Variants in DHX9 observed in about 807,000 individuals in gnomAD.
DHX9 encodes ATP-dependent RNA helicase A.
A neutral mutation model predicts 148.7 loss-of-function variants in DHX9; 27 were observed. The observed-to-expected ratio is 0.18, with a 90% CI of 0.13 to 0.25. The LOEUF is 0.25. Among genes scored for constraint, DHX9 ranks in the 10% least tolerant of loss-of-function variants. The probability of loss-of-function intolerance (pLI) is 1.00; values close to 1 mark genes in which losing one functional copy is unlikely to be tolerated. For synonymous variants in DHX9, 529 were observed against 516.6 expected (o/e 1.02, Z -0.33); for missense variants, 796 against 1,559.6 (o/e 0.51, Z 8.25).
At position 182,839,377 on chromosome 1, in the gene DHX9, C is replaced by G. The variant is rs1407116975; in HGVS notation, c.-102C>G. The G allele has an allele frequency of 1.3e-5, 2 of 152,386 alleles. No homozygotes were observed. Among genetic ancestry groups the G allele is most frequent in the Admixed American group, 6.5e-5 (1 of 15,288 alleles). 9.4% of individuals were successfully genotyped at this position (152,386 alleles called of 1,614,324 possible). ...TTCGCCGATTCCTCCATGCGAGTTG[C>G]TGTGCGTTTCTCTGTTGTCTCGGTA... On this transcript the variant is annotated 5_prime_UTR_variant, in exon 1 of 28. Coordinates refer to ENST00000367549, the MANE Select transcript of DHX9 (RefSeq NM_001357.5).
chr1:182,868,166 A>T (rs1648384379), intron 14 of DHX9, among the ~76,000 whole-genome samples: 1 of 152,188 alleles, frequency 6.6e-6, no homozygotes, highest in African/African-American at 2.4e-5. Context: ...ATCATAAGTC[A>T]TAAAATTGAA....
chr1:182,840,363 G>A (rs1173831910), intron 1 of DHX9, among the ~76,000 whole-genome samples: 1 of 147,488 alleles, frequency 6.8e-6, no homozygotes, highest in Non-Finnish European at 1.5e-5. Context: ...GCAGTGGCGC[G>A]ATGGCGGCTC....
intron 14 of DHX9, among the ~76,000 whole-genome samples, 190 bp downstream of exon 14, chr1:182,867,233 CAGAAA>C (rs1241454626): frequency 6.6e-6 from 1 of 151,958 alleles, no homozygotes; most frequent in Non-Finnish European, 1.5e-5. Context: ...TTAAACTTTA[CAGAAA>C]GCCTTTTGGA....
intron 14 of DHX9, 68 bp from the exon 15 acceptor site, chr1:182,872,267 ACT>A (rs1648581567): frequency 6.0e-6 from 8 of 1,332,868 alleles, no homozygotes; most frequent in South Asian, 2.8e-5. Context: ...TGGCTGTATA[ACT>A]CTTTTAGGCA....
At chr1:182,884,212 T>G (rs1177435950) in intron 26 of DHX9, among the ~76,000 whole-genome samples, 1 of 151,988 alleles carries the variant, frequency 6.6e-6, no homozygotes, top group African/African-American at 2.4e-5. Context: ...AGTTGGAGGT[T>G]GCAATGAGCT....
At chr1:182,881,101 T>C (rs1047586445) in intron 22 of DHX9, among the ~76,000 whole-genome samples, 163 bp from the exon 23 acceptor site, 1 of 152,236 alleles carries the variant, frequency 6.6e-6, no homozygotes. Context: ...TCTTTCTGAT[T>C]CTGAAGAGAG....
At chr1:182,851,737 A>G (rs1413928883) in intron 3 of DHX9, among the ~76,000 whole-genome samples, 1 of 152,226 alleles carries the variant, frequency 6.6e-6, no homozygotes, top group Non-Finnish European at 1.5e-5. Flanking sequence ...CCCTGTAATT[A>G]AACTTTCTTA....
intron 15 of DHX9, among the ~76,000 whole-genome samples, chr1:182,873,146 A>G (rs1323053451): frequency 2.0e-5 from 3 of 152,020 alleles, no homozygotes; most frequent in East Asian, 1.9e-4. Flanking sequence ...TGTAGAGACA[A>G]GGTCTCACCC....
intron 3 of DHX9, among the ~76,000 whole-genome samples, chr1:182,848,567 T>A (rs566055518): frequency 3.9e-5 from 6 of 152,282 alleles, no homozygotes; most frequent in African/African-American, 1.4e-4. Flanking sequence ...TAGCAGATAC[T>A]TAAATGTTTT....
rs760766810 is a variant in DHX9, at chr1:182,852,351, G to A, written c.364+7G>A. On this transcript the variant is annotated splice_region_variant and intron_variant, in intron 4 of 27. Coordinates refer to ENST00000367549, the MANE Select transcript of DHX9 (RefSeq NM_001357.5). ...CATCTGGCTCTCAAAGCAGGTAAGG[G>A]ACTTGAATCCATGCACGTGGTGGAG... The A allele has an allele frequency of 1.8e-5, 29 of 1,584,280 alleles. No homozygotes were observed. The highest frequency in any genetic ancestry group is 1.7e-4 in the Middle Eastern group (1 of 5,988).
At chr1:182,858,976 A>G (rs1174195886) in intron 10 of DHX9, 64 bp from the exon 11 acceptor site, 3 of 1,610,808 alleles carry the variant, frequency 1.9e-6, no homozygotes, top group Non-Finnish European at 2.5e-6. Context: ...TAGGTAAAAA[A>G]TGGATTTATT....
intron 18 of DHX9, 89 bp downstream of exon 18, chr1:182,876,630 TG>T: frequency 8.1e-7 from 1 of 1,235,294 alleles, no homozygotes. Flanking sequence ...CCCAAAAAAT[TG>T]TAACCCATCT....
At chr1:182,869,288 G>T (rs545392335) in intron 14 of DHX9, among the ~76,000 whole-genome samples, 1 of 152,222 alleles carries the variant, frequency 6.6e-6, no homozygotes, top group East Asian at 1.9e-4. Context: ...GGTCTTATCC[G>T]GTTCGGCCCA....
chr1:182,844,014 TC>T, intron 3 of DHX9, among the ~76,000 whole-genome samples: 1 of 152,200 alleles, frequency 6.6e-6, no homozygotes, highest in Non-Finnish European at 1.5e-5. Flanking sequence ...GCTGGAGTGA[TC>T]TCGGCTCACT....
At position 182,859,067 on chromosome 1, in the gene DHX9, C is replaced by T. The variant is rs752937147; in HGVS notation, c.1090C>T (p.Leu364Phe). ...TACTCCAGAGCAAATAAGCATGGAC[C>T]TCAAGAATGAATTGATGTACCAGTT... ...FATPEQISMD[L>F]KNELMYQLEQ... is the part of the protein sequence containing the mutation. Residue 364 changes from leucine to phenylalanine, a missense_variant, in exon 11 of 28, where the codon CTC becomes TTC. This residue lies in a region of DHX9 where 42 missense variants were observed against 27.1 expected (regional missense o/e 1.55). Transcript: ENST00000367549. The T allele has an allele frequency of 1.2e-5, 20 of 1,614,084 alleles. No individual in the cohort carries two copies. Among genetic ancestry groups the T allele is most frequent in the Non-Finnish European group, 1.6e-5 (19 of 1,180,006 alleles).
chr1:182,843,210 T>A, intron 2 of DHX9, 84 bp from the exon 3 acceptor site: 2 of 1,079,330 alleles, frequency 1.9e-6, no homozygotes, highest in Non-Finnish European at 2.5e-6. Context: ...GTTTGTTGTC[T>A]CTTAATGGAC....
chr1:182,846,956 T>A (rs921242259), intron 3 of DHX9, among the ~76,000 whole-genome samples: 1 of 152,144 alleles, frequency 6.6e-6, no homozygotes, highest in Non-Finnish European at 1.5e-5. Flanking sequence ...ATTGATTATC[T>A]TCAGATTCTT....
At chr1:182,875,096 G>A (rs1317072310) in intron 16 of DHX9, 142 bp downstream of exon 16, 3 of 749,406 alleles carry the variant, frequency 4.0e-6, no homozygotes, top group African/African-American at 3.5e-5. Context: ...TGGATTAATT[G>A]ATGTATTTTA....
At position 182,856,591 on chromosome 1, in the gene DHX9, G is replaced by A. The variant is rs369008593; in HGVS notation, c.673+13G>A. On this transcript the variant is annotated intron_variant, in intron 7 of 27. Coordinates refer to ENST00000367549, the MANE Select transcript of DHX9 (RefSeq NM_001357.5). Reference sequence around the variant, plus strand: ...CAGCTGGGCAGAAGTAAGTGTTACTGTTTCCCCAATATTCCAAGTCTCTGT... The same window carrying A: ...CAGCTGGGCAGAAGTAAGTGTTACTATTTCCCCAATATTCCAAGTCTCTGT... The A allele has an allele frequency of 2.3e-5, 37 of 1,612,438 alleles. No individual in the cohort carries two copies. The African/African-American group carries it at 4.1e-4, about 18-fold the overall frequency.
Sources: allele counts gnomAD v4.1 joint callset (sites outside exome capture counted in the v4.1 genomes callset), GRCh38; gene constraint gnomAD v4.1.1; regional missense constraint gnomAD v4.1.1; transcripts MANE v1.5; gene names NCBI Gene and HGNC (gene_info 2026-07-23, HGNC 2026-07-21).